Variants in PHACTR2 observed in about 807,000 individuals in gnomAD.
The protein encoded by PHACTR2 is phosphatase and actin regulator 2.
A neutral mutation model predicts 76.0 loss-of-function variants in PHACTR2; 30 were observed. The ratio of observed to expected loss-of-function variants is 0.39; its 90% CI spans 0.30 to 0.54. The LOEUF (loss-of-function observed/expected upper bound fraction) is 0.54. Ranked by LOEUF, PHACTR2 falls within the 20% of genes least tolerant of loss-of-function variation. The pLI is 0.61. For missense variants in PHACTR2, 696 were observed against 781.1 expected (o/e 0.89, Z 1.30); for synonymous variants, 292 against 292.5 (o/e 1.00, Z 0.02).
intron 1 of PHACTR2, among the ~76,000 whole-genome samples, chr6:143,565,832 C>G (rs9376760): frequency 6.6e-6 from 1 of 151,480 alleles, no homozygotes. Flanking sequence ...GGAGTGAGGG[C>G]AGGGTCTTGC....
chr6:143,694,431 G>A (rs1777723898), intron 1 of PHACTR2, among the ~76,000 whole-genome samples: 1 of 152,150 alleles, frequency 6.6e-6, no homozygotes, highest in African/African-American at 2.4e-5. Context: ...TCCCAGTGTG[G>A]TCAGTAACTA....
intron 1 of PHACTR2, among the ~76,000 whole-genome samples, chr6:143,691,621 T>C (rs1297183773): frequency 6.6e-6 from 1 of 152,220 alleles, no homozygotes. Context: ...AGAATGCCAA[T>C]TACTGTTTAG....
At position 143,794,496 on chromosome 6, in the gene PHACTR2, A is replaced by C. The variant is rs79993212; in HGVS notation, c.1845+5586A>C. Among the ~76,000 whole-genome samples, 46 of 152,270 alleles carry C rather than the reference A, an allele frequency of 3.0e-4. No individual in the cohort carries two copies. The South Asian group carries it at 9.1e-3, about 30-fold the overall frequency. On this transcript the variant is annotated intron_variant, in intron 11 of 12. Coordinates refer to ENST00000440869, the MANE Select transcript of PHACTR2 (RefSeq NM_001100164.2). This position sits in a 1 kb window ranked among gnomAD's most constrained non-coding sequence, Gnocchi z 4.1. ...AAGTAAATATTTCCACCTCTGCTTT[A>C]AAAAATAAACAATGAGGCCAGGTGC... is the stretch of plus-strand genomic sequence containing the variant.
intron 2 of PHACTR2, among the ~76,000 whole-genome samples, chr6:143,732,824 T>C (rs1372541686): frequency 6.6e-6 from 1 of 152,166 alleles, no homozygotes; most frequent in African/African-American, 2.4e-5. Flanking sequence ...TTTTTATTAT[T>C]GCTATCCTGG....
chr6:143,545,736 C>T (rs1774985888), intron 1 of PHACTR2, among the ~76,000 whole-genome samples: 1 of 152,280 alleles, frequency 6.6e-6, no homozygotes, highest in East Asian at 1.9e-4. Context: ...ATAGAAACAA[C>T]TCATGTTTAT....
rs1419084657 is a variant in PHACTR2 at position 143,777,854 on chromosome 6, G to A, written c.1645+471G>A. The stretch of plus-strand genomic sequence containing the variant: ...TTTTCAATCCATTGCATTTTCCTAT[G>A]TTATGATAACTCGGCTTCCTTCTTG... On this transcript the variant is annotated intron_variant, in intron 9 of 12. Coordinates refer to ENST00000440869, the MANE Select transcript of PHACTR2 (RefSeq NM_001100164.2). This position sits in a 1 kb window ranked among gnomAD's most constrained non-coding sequence, Gnocchi z 4.6. Among the ~76,000 whole-genome samples the A allele has an allele frequency of 6.6e-6, 1 of 152,140 alleles. No individual in the cohort carries two copies. Among genetic ancestry groups the A allele is most frequent in the African/African-American group, 2.4e-5 (1 of 41,434 alleles).
chr6:143,802,039 G>A (rs147628129), intron 11 of PHACTR2, among the ~76,000 whole-genome samples: 66 of 152,180 alleles, frequency 4.3e-4, no homozygotes, highest in African/African-American at 1.5e-3. Flanking sequence ...GCTTCTTCCC[G>A]GCATAACGCC....
intron 11 of PHACTR2, among the ~76,000 whole-genome samples, chr6:143,792,961 A>T (rs1006660602): frequency 6.6e-6 from 1 of 152,240 alleles, no homozygotes; most frequent in Non-Finnish European, 1.5e-5. Context: ...GGAATTAATT[A>T]GCTCCACTTC....
At chr6:143,768,202 C>G (rs1774992755) in intron 6 of PHACTR2, among the ~76,000 whole-genome samples, 1 of 152,198 alleles carries the variant, frequency 6.6e-6, no homozygotes, top group Non-Finnish European at 1.5e-5. Context: ...CTTAATACTT[C>G]CAGCACACAG....
chr6:143,631,432 A>C lies in PHACTR2; in HGVS notation c.13+23110A>C, dbSNP rs539278610. On this transcript the variant is annotated intron_variant, in intron 1 of 11. Coordinates refer to the PHACTR2 transcript ENST00000305766. Reference sequence around the variant, plus strand: ...TGGTCTTAAACTCATGGCCTCAGACAATCCTCCTTCCTCGGCCTCCTAAAG... The same window carrying C: ...TGGTCTTAAACTCATGGCCTCAGACCATCCTCCTTCCTCGGCCTCCTAAAG... Among the ~76,000 whole-genome samples, 6 of 152,192 alleles carry C rather than the reference A, an allele frequency of 3.9e-5. No homozygotes were observed. In the South Asian group the frequency reaches 1.2e-3, roughly 32 times the overall value.
At chr6:143,711,706 T>C in intron 1 of PHACTR2, 1 of 546,598 alleles carries the variant, frequency 1.8e-6, no homozygotes, top group African/African-American at 1.9e-5. Flanking sequence ...GTACAAAATA[T>C]TGATGGGGTT....
In PHACTR2 at chr6:143,821,655, A is replaced by C. The variant is rs78732784; in HGVS notation, c.1923-2019A>C. Among the ~76,000 whole-genome samples the C allele has an allele frequency of 8.0e-3, 1,218 of 152,330 alleles. 18 individuals carry two copies. The highest frequency in any genetic ancestry group is 0.028 in the African/African-American group (1,170 of 41,580). ...GGAGAAAAGAGTTTGGAGAACTCAC[A>C]GAGTGAGACTGCATAAAGCGCAGAT... On this transcript the variant is annotated intron_variant, in intron 12 of 12. Coordinates refer to ENST00000440869, the MANE Select transcript of PHACTR2 (RefSeq NM_001100164.2). This position sits in a 1 kb window ranked among gnomAD's most constrained non-coding sequence, Gnocchi z 5.2.
chr6:143,607,760 A>G (rs1204399710), upstream of PHACTR2, among the ~76,000 whole-genome samples: 1 of 152,200 alleles, frequency 6.6e-6, no homozygotes, highest in South Asian at 2.1e-4. Flanking sequence ...TCCTCCCCCA[A>G]CAACAACCAA....
At position 143,578,203 on chromosome 6, in the gene PHACTR2, G is replaced by T. The variant is rs1443283956; in HGVS notation, c.217+40996G>T. 6.6e-6 allele frequency among the ~76,000 whole-genome samples: 1 copy of T among 152,138 alleles called. No homozygotes were observed. The highest frequency in any genetic ancestry group is 1.5e-5 in the Non-Finnish European group (1 of 68,016). ...GCAGGGCTCCATGAGAGCTGGAGAG[G>T]GGTCCCCAGACCTCCATCCTCACGG... On this transcript the variant is annotated intron_variant, in intron 1 of 11. Transcript: ENST00000367584. The surrounding 1 kb of genome is among the most constrained non-coding windows in gnomAD (Gnocchi z 4.5).
chr6:143,596,667 C>A lies in PHACTR2; in HGVS notation c.217+59460C>A, dbSNP rs1775759424. Among the ~76,000 whole-genome samples the A allele has an allele frequency of 6.6e-6, 1 of 151,880 alleles. No individual in the cohort carries two copies. The highest frequency in any genetic ancestry group is 1.5e-5 in the Non-Finnish European group (1 of 67,978). On this transcript the variant is annotated intron_variant, in intron 1 of 11. Coordinates refer to the PHACTR2 transcript ENST00000367584. This position sits in a 1 kb window ranked among gnomAD's most constrained non-coding sequence, Gnocchi z 4.6. ...CAGCCTGGGCAACATAGTGAGACCC[C>A]ATTTTACTAAAAATAAAAAAGTTAG...
At chr6:143,673,803 A>G (rs879336833), upstream of PHACTR2, among the ~76,000 whole-genome samples, 2 of 115,432 alleles carry the variant, frequency 1.7e-5, no homozygotes, top group East Asian at 4.6e-4. Flanking sequence ...CGTGAGCCAC[A>G]CCCCGCCTCT....
In PHACTR2 at chr6:143,678,941, T is replaced by TAAAA. The variant is rs764703736; in HGVS notation, c.46+743_46+746dup. On this transcript the variant is annotated intron_variant, in intron 1 of 12. Transcript: ENST00000440869. This position sits in a 1 kb window ranked among gnomAD's most constrained non-coding sequence, Gnocchi z 6.2. ...TGGCATTTCCCCGACAGTGTAGGGA[T>TAAAA]AAAAAAAAAAAAAACTGTTTGGTGG... 7.4e-6 allele frequency among the ~76,000 whole-genome samples: 1 copy of TAAAA among 134,400 alleles called. No homozygotes were observed. The highest frequency in any genetic ancestry group is 2.6e-5 in the African/African-American group (1 of 38,058). 88.2% of individuals were successfully genotyped at this position (134,400 alleles called of 152,430 possible). A position where few individuals can be genotyped will look rare whatever the true frequency, so the allele number is the denominator to read the frequency against.
rs1283661279 is a variant in PHACTR2, at chr6:143,539,276, T to C, written c.217+2069T>C. On this transcript the variant is annotated intron_variant, in intron 1 of 11. Transcript: ENST00000367584. This position sits in a 1 kb window ranked among gnomAD's most constrained non-coding sequence, Gnocchi z 4.3. ...GAAACCTTTCAGCTCAGTTGTCCCATGTGCCGCAGGATGCTGGCACAGATG... is the reference window on the plus strand; with the variant it reads ...GAAACCTTTCAGCTCAGTTGTCCCACGTGCCGCAGGATGCTGGCACAGATG... 6.6e-6 allele frequency among the ~76,000 whole-genome samples: 1 copy of C among 152,248 alleles called. No individual in the cohort carries two copies. Among genetic ancestry groups the C allele is most frequent in the Non-Finnish European group, 1.5e-5 (1 of 68,046 alleles).
At position 143,809,971 on chromosome 6, in the gene PHACTR2, C is replaced by A. The variant is rs1052711932; in HGVS notation, c.1922+2838C>A. Among the ~76,000 whole-genome samples, 1 of 151,796 alleles carries A rather than the reference C, an allele frequency of 6.6e-6. No homozygotes were observed. The highest frequency in any genetic ancestry group is 2.4e-5 in the African/African-American group (1 of 41,308). On this transcript the variant is annotated intron_variant, in intron 12 of 12. Transcript: ENST00000440869. The surrounding 1 kb of genome is among the most constrained non-coding windows in gnomAD (Gnocchi z 4.2). Reference sequence around the variant, plus strand: ...ACTAAAAATACAAAAATTAGCTGAGCGTAGTGGCTCACAGCTGTAGTCCCA... The same window carrying A: ...ACTAAAAATACAAAAATTAGCTGAGAGTAGTGGCTCACAGCTGTAGTCCCA...
Sources: allele counts gnomAD v4.1 joint callset (sites outside exome capture counted in the v4.1 genomes callset), GRCh38; gene constraint gnomAD v4.1.1; non-coding constraint Gnocchi (gnomAD v3.1); transcripts MANE v1.5; gene names NCBI Gene and HGNC (gene_info 2026-07-23, HGNC 2026-07-21).